Variants in TRDN observed in about 807,000 individuals in gnomAD.
The protein encoded by TRDN is triadin in skeletal muscle.
A neutral mutation model predicts 149.7 loss-of-function variants in TRDN; 161 were observed. That is an observed-to-expected ratio of 1.08 (90% CI 0.95 to 1.23). The LOEUF (loss-of-function observed/expected upper bound fraction) is 1.23, where lower values mean the gene tolerates loss of function less well. TRDN is among the 50% of genes most tolerant of loss of function. The pLI, the probability that TRDN is intolerant of heterozygous loss-of-function variation, is 0.00. For synonymous variants in TRDN, 294 were observed against 250.5 expected, an observed-to-expected ratio of 1.17 and a Z score of -1.64; for missense variants, 896 against 823.5, an observed-to-expected ratio of 1.09 and a Z score of -1.08.
At chr6:123,382,213 A>G (rs1303224391) in intron 14 of TRDN, 66 bp from the exon 15 acceptor site, 1 of 1,075,400 alleles carries the variant, frequency 9.3e-7, no homozygotes, top group African/African-American at 1.7e-5. Context: ...TCAGCTCACA[A>G]CAAATTTCTA....
At chr6:123,424,472 C>A in intron 12 of TRDN, among the ~76,000 whole-genome samples, 1 of 151,896 alleles carries the variant, frequency 6.6e-6, no homozygotes, top group East Asian at 1.9e-4. Flanking sequence ...CATCAATTAG[C>A]TTTCTGTCTG....
At chr6:123,617,003 G>A (rs1785122997) in intron 1 of TRDN, among the ~76,000 whole-genome samples, 1 of 152,150 alleles carries the variant, frequency 6.6e-6, no homozygotes, top group Non-Finnish European at 1.5e-5. Context: ...ATTTATTTGA[G>A]TTTGAACAAC....
intron 12 of TRDN, among the ~76,000 whole-genome samples, chr6:123,407,952 G>T (rs1400293470): frequency 6.6e-6 from 1 of 152,170 alleles, no homozygotes; most frequent in South Asian, 2.1e-4. Context: ...AACACATTAA[G>T]AGCATAAGTC....
intron 4 of TRDN, among the ~76,000 whole-genome samples, chr6:123,546,528 G>A (rs561956860): frequency 6.6e-6 from 1 of 152,186 alleles, no homozygotes; most frequent in Non-Finnish European, 1.5e-5. Context: ...GCCTGCCCAT[G>A]TGTAGCAGTA....
chr6:123,589,660 G>A (rs1439528787), intron 1 of TRDN, among the ~76,000 whole-genome samples: 1 of 152,072 alleles, frequency 6.6e-6, no homozygotes, highest in Non-Finnish European at 1.5e-5. Flanking sequence ...TCACACTATT[G>A]TGTCACAGTA....
intron 40 of TRDN, among the ~76,000 whole-genome samples, chr6:123,221,164 G>C (rs1476242577): frequency 6.6e-6 from 1 of 151,664 alleles, no homozygotes; most frequent in Non-Finnish European, 1.5e-5. Flanking sequence ...TACTTCAGCT[G>C]TCCTATTATA....
chr6:123,486,266 T>TA (rs1211701999), intron 9 of TRDN, among the ~76,000 whole-genome samples: 1 of 151,696 alleles, frequency 6.6e-6, no homozygotes, highest in East Asian at 1.9e-4. Context: ...TTTTTTTTTT[T>TA]AACCACTGTT....
chr6:123,375,654 A>G, intron 18 of TRDN, 23 bp from the exon 19 acceptor site: 1 of 1,509,958 alleles, frequency 6.6e-7, no homozygotes, highest in African/African-American at 1.4e-5. Flanking sequence ...AGAAATAATA[A>G]GGTCAACAGT....
chr6:123,533,067 G>T (rs776889657), intron 4 of TRDN, among the ~76,000 whole-genome samples: 1 of 152,108 alleles, frequency 6.6e-6, no homozygotes, highest in Non-Finnish European at 1.5e-5. Flanking sequence ...CAAAGATTTA[G>T]ACTGGTCTTT....
chr6:123,310,010 C>A (rs971362170), intron 24 of TRDN, among the ~76,000 whole-genome samples: 15 of 151,986 alleles, frequency 9.9e-5, no homozygotes, highest in Non-Finnish European at 1.8e-4. Context: ...TATGGTACTA[C>A]TGTAGTGATT....
At chr6:123,295,734 C>G (rs1778167968) in intron 24 of TRDN, among the ~76,000 whole-genome samples, 1 of 151,982 alleles carries the variant, frequency 6.6e-6, no homozygotes, top group Admixed American at 6.6e-5. Flanking sequence ...AAGACCGAGG[C>G]AGGTGGATCA....
chr6:123,632,781 A>G (rs1258484280), intron 1 of TRDN, among the ~76,000 whole-genome samples: 1 of 151,872 alleles, frequency 6.6e-6, no homozygotes, highest in Non-Finnish European at 1.5e-5. Context: ...ATCGCCTCAT[A>G]ATTTCACCAT....
At chr6:123,586,776 C>T (rs939669042) in intron 1 of TRDN, among the ~76,000 whole-genome samples, 2 of 151,546 alleles carry the variant, frequency 1.3e-5, no homozygotes, top group African/African-American at 4.9e-5. Context: ...GGAGACAAAC[C>T]CAGAGAAAAG....
intron 16 of TRDN, among the ~76,000 whole-genome samples, chr6:123,378,432 A>C (rs1442535783): frequency 6.8e-6 from 1 of 146,834 alleles, no homozygotes; most frequent in African/African-American, 2.5e-5. Context: ...GGCACACACC[A>C]CCATGTGTAG....
chr6:123,417,800 A>G (rs193302528), intron 12 of TRDN, among the ~76,000 whole-genome samples: 3 of 152,296 alleles, frequency 2.0e-5, no homozygotes, highest in Admixed American at 1.3e-4. Flanking sequence ...CTCATATCAC[A>G]GTATTTGCCC....
At chr6:123,600,406 T>C (rs1784227052) in intron 1 of TRDN, among the ~76,000 whole-genome samples, 1 of 152,076 alleles carries the variant, frequency 6.6e-6, no homozygotes, top group East Asian at 1.9e-4. Flanking sequence ...AAAGGAGGAA[T>C]GCCCTCCTCA....
chr6:123,248,355 G>C (rs762360017), intron 38 of TRDN, among the ~76,000 whole-genome samples: 1 of 151,914 alleles, frequency 6.6e-6, no homozygotes, highest in Non-Finnish European at 1.5e-5. Flanking sequence ...TCAGGAGTTC[G>C]AGACCAGACT....
chr6:123,376,697 A>G (rs1437141686), intron 18 of TRDN, among the ~76,000 whole-genome samples: 1 of 152,146 alleles, frequency 6.6e-6, no homozygotes, highest in East Asian at 1.9e-4. Context: ...ATATTTTATA[A>G]TCTTTAAAAA....
At chr6:123,361,157 C>T (rs1780884390) in intron 20 of TRDN, among the ~76,000 whole-genome samples, 1 of 152,148 alleles carries the variant, frequency 6.6e-6, no homozygotes, top group Admixed American at 6.5e-5. Flanking sequence ...GGAATTGCCA[C>T]ACTGTCTTCC....
Sources: gnomAD v4.1 joint callset for allele counts (sites outside exome capture counted in the v4.1 genomes callset) on GRCh38, gnomAD v4.1.1 for gene constraint, MANE v1.5 for transcripts, NCBI Gene and HGNC (gene_info 2026-07-23, HGNC 2026-07-21) for gene names.